The following KCNC2 variants were observed in gnomAD, a reference collection of about 807,000 sequenced individuals.
KCNC2 encodes potassium voltage-gated channel subfamily C member 2.
KCNC2 carries 21 observed loss-of-function variants against 44.5 expected under a neutral mutation model. That is an observed-to-expected ratio of 0.47 (90% CI 0.33 to 0.68). The LOEUF is 0.68. Among genes scored for constraint, KCNC2 ranks in the 30% least tolerant of loss-of-function variants. KCNC2 has a pLI of 0.01. For synonymous variants in KCNC2, 391 were observed against 339.1 expected (o/e 1.15, Z -1.68); for missense variants, 589 against 826.2 (o/e 0.71, Z 3.52).
Position 75,041,630 on chromosome 12 carries a change from C to T in KCNC2, c.*1475G>A. 3 of 1,019,086 alleles carry T rather than the reference C, an allele frequency of 2.9e-6. No individual in the cohort carries two copies. Among genetic ancestry groups the T allele is most frequent in the Non-Finnish European group, 2.4e-6 (2 of 849,164 alleles). 63.1% of individuals were successfully genotyped at this position (1,019,086 alleles called of 1,614,324 possible). On this transcript the variant is annotated 3_prime_UTR_variant, in exon 5 of 5. Coordinates refer to ENST00000549446, the MANE Select transcript of KCNC2 (RefSeq NM_139137.4). The stretch of plus-strand genomic sequence containing the variant: ...GAATGCATAAATAGACTTTCTTCCA[C>T]TCAGACTGAATATGACTCCCTAAGG...
intron 2 of KCNC2, among the ~76,000 whole-genome samples, chr12:75,161,358 A>G (rs1404636450): frequency 6.6e-6 from 1 of 151,752 alleles, no homozygotes; most frequent in African/African-American, 2.4e-5. Context: ...TCATAGCAGC[A>G]CGGGAAGCTA....
rs1216135703 is a variant in KCNC2 at position 75,113,948 on chromosome 12, T to G, written c.688-62631A>C. Among the ~76,000 whole-genome samples the G allele has an allele frequency of 2.6e-5, 4 of 152,162 alleles. No homozygotes were observed. In the East Asian group the frequency reaches 5.8e-4, roughly 22 times the overall value. On this transcript the variant is annotated intron_variant, in intron 2 of 4. Transcript: ENST00000549446. ...AGAATCCAGCTTAATTACGGCTTAT[T>G]TATTTGTAAGCCTATATCTTTACCC...
rs1170859025 is a variant in KCNC2 at position 75,111,731 on chromosome 12, C to G, written c.688-60414G>C. Among the ~76,000 whole-genome samples the G allele has an allele frequency of 3.3e-5, 5 of 152,100 alleles. No individual in the cohort carries two copies. In the East Asian group the frequency reaches 9.7e-4, roughly 29 times the overall value. On this transcript the variant is annotated intron_variant, in intron 2 of 4. Transcript: ENST00000549446. Reference sequence around the variant, plus strand: ...TCTGAAACTAAAAATATTAAGCTATCTCCTCAAAATCGATAGACTAGAAGA... The same window carrying G: ...TCTGAAACTAAAAATATTAAGCTATGTCCTCAAAATCGATAGACTAGAAGA...
chr12:75,183,470 A>T (rs1490461902), intron 2 of KCNC2, among the ~76,000 whole-genome samples: 5 of 152,238 alleles, frequency 3.3e-5, no homozygotes, highest in African/African-American at 4.8e-5. Flanking sequence ...GTGCCTAATG[A>T]AACAAAATTA....
intron 2 of KCNC2, among the ~76,000 whole-genome samples, chr12:75,053,735 T>C (rs568255717): frequency 5.4e-5 from 8 of 147,930 alleles, no homozygotes; most frequent in African/African-American, 2.0e-4. Flanking sequence ...TATAGTAATA[T>C]TTTGCTATAA....
intron 2 of KCNC2, among the ~76,000 whole-genome samples, chr12:75,162,796 C>G (rs771896128): frequency 6.6e-6 from 1 of 151,704 alleles, no homozygotes; most frequent in African/African-American, 2.4e-5. Flanking sequence ...CTCTCCCTAC[C>G]TGCATGTTAG....
At chr12:75,119,428 A>G (rs968468553) in intron 2 of KCNC2, among the ~76,000 whole-genome samples, 2 of 152,200 alleles carry the variant, frequency 1.3e-5, no homozygotes, top group Admixed American at 6.5e-5. Context: ...AATGTCTCAC[A>G]TGATCCTCAA....
At chr12:75,083,202 C>T (rs1884667459) in intron 2 of KCNC2, among the ~76,000 whole-genome samples, 1 of 151,308 alleles carries the variant, frequency 6.6e-6, no homozygotes, top group Non-Finnish European at 1.5e-5. Flanking sequence ...CATAATTGTA[C>T]CAATAACATT....
intron 2 of KCNC2, among the ~76,000 whole-genome samples, chr12:75,128,823 A>G (rs775305692): frequency 6.6e-6 from 1 of 152,146 alleles, no homozygotes; most frequent in Non-Finnish European, 1.5e-5. Context: ...TTCATGCTTC[A>G]TTTATTCCCA....
chr12:75,122,530 G>A (rs1888117600), intron 2 of KCNC2, among the ~76,000 whole-genome samples: 1 of 152,140 alleles, frequency 6.6e-6, no homozygotes, highest in Non-Finnish European at 1.5e-5. Flanking sequence ...CTGATCCGTA[G>A]TCCTACATTT....
At position 75,050,685 on chromosome 12, in the gene KCNC2, A is replaced by G. The variant is rs202016852; in HGVS notation, c.1320T>C (p.Tyr440=). The change falls in exon 3 of 5, where the codon TAT becomes TAC. Residue 440 remains tyrosine (Y), a synonymous_variant. Coordinates refer to ENST00000549446, the MANE Select transcript of KCNC2 (RefSeq NM_139137.4). ...ACCATGTTTGGGGGTACATATCCCC[A>G]TAACCCAGGGTAGTCATGGTCACTA... ...WAVVTMTTLG[Y]GDMYPQTWSG... is the part of the protein sequence containing the mutation. The G allele has an allele frequency of 1.1e-4, 177 of 1,613,516 alleles. 2 individuals carry two copies. The highest frequency in any genetic ancestry group is 3.7e-4 in the Admixed American group (22 of 59,872).
intron 2 of KCNC2, among the ~76,000 whole-genome samples, chr12:75,126,972 A>C (rs1024968142): frequency 6.6e-6 from 1 of 152,136 alleles, no homozygotes; most frequent in Admixed American, 6.5e-5. Flanking sequence ...AAAAGCTTCG[A>C]GCTTTCCATC....
intron 2 of KCNC2, among the ~76,000 whole-genome samples, chr12:75,056,201 G>T (rs1313297962): frequency 6.6e-6 from 1 of 151,776 alleles, no homozygotes; most frequent in Non-Finnish European, 1.5e-5. Flanking sequence ...CTGTTGATTT[G>T]GTATGCAAAA....
intron 2 of KCNC2, among the ~76,000 whole-genome samples, chr12:75,126,053 C>T (rs1888400103): frequency 6.6e-6 from 1 of 152,006 alleles, no homozygotes; most frequent in Non-Finnish European, 1.5e-5. Flanking sequence ...AACAAAAGAT[C>T]CAGAAGATGG....
At chr12:75,189,015 G>A (rs538057080) in intron 2 of KCNC2, among the ~76,000 whole-genome samples, 1 of 152,174 alleles carries the variant, frequency 6.6e-6, no homozygotes, top group Non-Finnish European at 1.5e-5. Flanking sequence ...ATAGTTAAGA[G>A]TTGATGATCA....
intron 2 of KCNC2, among the ~76,000 whole-genome samples, chr12:75,086,161 T>C (rs2137105721): frequency 6.6e-6 from 1 of 152,156 alleles, no homozygotes; most frequent in Non-Finnish European, 1.5e-5. Context: ...TATACCAAAA[T>C]TCAAGAAGCT....
At chr12:75,121,047 T>C (rs1272383565) in intron 2 of KCNC2, among the ~76,000 whole-genome samples, 9 of 152,204 alleles carry the variant, frequency 5.9e-5, no homozygotes, top group African/African-American at 1.9e-4. Flanking sequence ...ACGGTATCCA[T>C]GATGCTAGGA....
intron 2 of KCNC2, among the ~76,000 whole-genome samples, chr12:75,052,817 A>G (rs1328170936): frequency 6.6e-6 from 1 of 152,142 alleles, no homozygotes; most frequent in Non-Finnish European, 1.5e-5. Context: ...TGCCTTAAAG[A>G]ACCACCTCAA....
intron 2 of KCNC2, among the ~76,000 whole-genome samples, chr12:75,115,772 T>C (rs1467971720): frequency 6.6e-6 from 1 of 152,018 alleles, no homozygotes; most frequent in Non-Finnish European, 1.5e-5. Flanking sequence ...ACAAAATTAT[T>C]TAATTATTTA....
Sources: allele counts gnomAD v4.1 joint callset (sites outside exome capture counted in the v4.1 genomes callset), GRCh38; gene constraint gnomAD v4.1.1; transcripts MANE v1.5; gene names NCBI Gene and HGNC (gene_info 2026-07-23, HGNC 2026-07-21).